The following NPAS3 variants were observed in gnomAD, a reference collection of about 807,000 sequenced individuals.
The protein encoded by NPAS3 is neuronal PAS domain protein 3.
In NPAS3, 14 loss-of-function variants were observed where a neutral mutation model predicts 73.1. That is an observed-to-expected ratio of 0.19 (90% CI 0.13 to 0.30). The LOEUF is 0.30. Among genes scored for constraint, NPAS3 ranks in the 10% least tolerant of loss-of-function variants. The probability of loss-of-function intolerance (pLI) is 1.00; values close to 1 mark genes in which losing one functional copy is unlikely to be tolerated. For synonymous variants in NPAS3, 620 were observed against 541.5 expected, an observed-to-expected ratio of 1.14 and a Z score of -2.01; for missense variants, 1,096 against 1,250.0, an observed-to-expected ratio of 0.88 and a Z score of 1.86.
At chr14:33,304,475 G>A (rs1409793606) in intron 3 of NPAS3, among the ~76,000 whole-genome samples, 1 of 151,496 alleles carries the variant, frequency 6.6e-6, no homozygotes, top group Non-Finnish European at 1.5e-5. Context: ...TAGGGTGTAG[G>A]TGGTTGATTG....
chr14:33,709,979 C>T (rs1290096041), intron 6 of NPAS3, among the ~76,000 whole-genome samples: 1 of 152,226 alleles, frequency 6.6e-6, no homozygotes, highest in Non-Finnish European at 1.5e-5. Context: ...AACACTCACA[C>T]TTGTGTTAGC....
Position 33,206,547 on chromosome 14 carries a change from T to C in NPAS3, c.141-8635T>C, listed in dbSNP as rs1312542472. Among the ~76,000 whole-genome samples the C allele has an allele frequency of 2.0e-5, 3 of 152,176 alleles. No individual in the cohort carries two copies. In the East Asian group the frequency reaches 5.8e-4, roughly 29 times the overall value. On this transcript the variant is annotated intron_variant, in intron 2 of 11. Transcript: ENST00000356141. ...ACAATGCTGTTTTTAGCATCAGTCA[T>C]ATCTAGTGTAGGCTACTACCTTCCA...
chr14:33,373,109 A>G (rs1268128883), intron 4 of NPAS3, among the ~76,000 whole-genome samples: 1 of 152,222 alleles, frequency 6.6e-6, no homozygotes. Context: ...CATAAAATTA[A>G]CTACTGGAAT....
chr14:33,028,319 T>A (rs2039875679), intron 1 of NPAS3, among the ~76,000 whole-genome samples: 2 of 152,366 alleles, frequency 1.3e-5, no homozygotes, highest in East Asian at 3.9e-4. Flanking sequence ...GTCATTTCTG[T>A]GTTGTGTTTT....
intron 4 of NPAS3, among the ~76,000 whole-genome samples, chr14:33,529,572 C>T (rs1156973505): frequency 6.6e-6 from 1 of 151,970 alleles, no homozygotes; most frequent in Admixed American, 6.6e-5. Flanking sequence ...CAATCCATTT[C>T]CTTTGTGTTG....
At chr14:33,107,359 T>G (rs1019368068) in intron 2 of NPAS3, among the ~76,000 whole-genome samples, 2 of 152,158 alleles carry the variant, frequency 1.3e-5, no homozygotes, top group Admixed American at 1.3e-4. Context: ...CCAGGCAGGG[T>G]AGTGAGCATA....
At chr14:33,163,179 A>C (rs2044972039) in intron 2 of NPAS3, among the ~76,000 whole-genome samples, 1 of 152,238 alleles carries the variant, frequency 6.6e-6, no homozygotes, top group Non-Finnish European at 1.5e-5. Context: ...AGCTTCACAC[A>C]GCCAATTACC....
intron 4 of NPAS3, among the ~76,000 whole-genome samples, chr14:33,388,501 G>T (rs1343849943): frequency 6.6e-6 from 1 of 151,994 alleles, no homozygotes; most frequent in Non-Finnish European, 1.5e-5. Context: ...AGGTGAATGG[G>T]GGCGGGGGGC....
intron 5 of NPAS3, among the ~76,000 whole-genome samples, chr14:33,636,833 A>G (rs1017028429): frequency 1.3e-4 from 20 of 152,084 alleles, no homozygotes; most frequent in Non-Finnish European, 2.1e-4. Flanking sequence ...TCTTGTTGTC[A>G]GGAAATTTTT....
chr14:33,701,057 GGGAGA>G (rs1289967785), intron 6 of NPAS3, among the ~76,000 whole-genome samples: 2 of 152,174 alleles, frequency 1.3e-5, no homozygotes, highest in Non-Finnish European at 2.9e-5. Flanking sequence ...TGAAACAAAG[GGGAGA>G]GGAGAGGAGA....
intron 2 of NPAS3, among the ~76,000 whole-genome samples, chr14:33,075,368 C>T (rs140918043): frequency 2.8e-4 from 43 of 152,236 alleles, no homozygotes; most frequent in African/African-American, 8.2e-4. Context: ...CATTTAAAAA[C>T]GTTTCAGTTA....
intron 2 of NPAS3, among the ~76,000 whole-genome samples, chr14:33,196,296 T>A (rs1197237315): frequency 6.6e-6 from 1 of 152,222 alleles, no homozygotes; most frequent in Admixed American, 6.5e-5. Context: ...CTTTTATACA[T>A]ACATTAGTTG....
At chr14:33,731,403 A>G (rs1310693658) in intron 6 of NPAS3, among the ~76,000 whole-genome samples, 1 of 144,194 alleles carries the variant, frequency 6.9e-6, no homozygotes, top group Non-Finnish European at 1.5e-5. Flanking sequence ...TGAGTGACAG[A>G]GGAAGACCCT....
rs28715863 is a variant in NPAS3, at chr14:33,246,836, A to G, written c.385+31410A>G. 2.8e-4 allele frequency among the ~76,000 whole-genome samples: 25 copies of G among 90,236 alleles called. No homozygotes were observed. In the East Asian group the frequency reaches 9.2e-3, roughly 33 times the overall value. 59.2% of individuals were successfully genotyped at this position (90,236 alleles called of 152,430 possible). A position where few individuals can be genotyped will look rare whatever the true frequency, so the allele number is the denominator to read the frequency against. Reference sequence around the variant, plus strand: ...TGGTGAAACCTCATCTCTATTAAAAATACAAAAAAAAAAAAAAAAAAAAAA... The same window carrying G: ...TGGTGAAACCTCATCTCTATTAAAAGTACAAAAAAAAAAAAAAAAAAAAAA... On this transcript the variant is annotated intron_variant, in intron 3 of 11. Coordinates refer to ENST00000356141, the Ensembl canonical transcript of NPAS3.
chr14:33,692,587 A>G (rs946722747), intron 6 of NPAS3, among the ~76,000 whole-genome samples: 2 of 152,132 alleles, frequency 1.3e-5, no homozygotes, highest in Non-Finnish European at 2.9e-5. Context: ...TTTTGTAGAG[A>G]ACCACAAAAG....
intron 1 of NPAS3, among the ~76,000 whole-genome samples, chr14:32,943,932 T>G (rs1246551277): frequency 6.6e-6 from 1 of 152,122 alleles, no homozygotes; most frequent in East Asian, 1.9e-4. Context: ...TCAGGTGATC[T>G]GCCTGCCTCA....
chr14:33,454,910 C>T (rs866098085), intron 4 of NPAS3, among the ~76,000 whole-genome samples: 2 of 152,090 alleles, frequency 1.3e-5, no homozygotes, highest in Admixed American at 6.6e-5. Context: ...CAGCGTGCCC[C>T]CGGCTGAGTG....
At chr14:33,414,656 T>C (rs997756861) in intron 4 of NPAS3, among the ~76,000 whole-genome samples, 3 of 152,142 alleles carry the variant, frequency 2.0e-5, no homozygotes, top group Non-Finnish European at 4.4e-5. Context: ...AATTTAATTA[T>C]TGATTTCTGA....
chr14:33,419,956 T>C (rs8019607), intron 4 of NPAS3, among the ~76,000 whole-genome samples: 4,237 of 152,048 alleles, frequency 0.028, 205 homozygotes, highest in African/African-American at 0.096. Context: ...ACTTCCAAGT[T>C]ACTTTTTTTG....
Sources: allele counts gnomAD v4.1 joint callset (sites outside exome capture counted in the v4.1 genomes callset), GRCh38; gene constraint gnomAD v4.1.1; transcripts MANE v1.5; gene names NCBI Gene and HGNC (gene_info 2026-07-23, HGNC 2026-07-21).